The following SPATA6 variants were observed in gnomAD, a reference collection of about 807,000 sequenced individuals.
SPATA6 encodes the protein spermatogenesis associated 6.
Under a neutral mutation model 65.3 loss-of-function variants are expected in SPATA6, and 56 were observed. The observed-to-expected ratio is 0.86, with a 90% CI of 0.69 to 1.07. The LOEUF (loss-of-function observed/expected upper bound fraction) is 1.07, where lower values mean the gene tolerates loss of function less well. Among genes scored for constraint, SPATA6 ranks in the 50% least tolerant of loss-of-function variants. SPATA6 has a pLI of 0.00. For synonymous variants in SPATA6, 199 were observed against 213.2 expected, an observed-to-expected ratio of 0.93 and a Z score of 0.58; for missense variants, 590 against 594.8, an observed-to-expected ratio of 0.99 and a Z score of 0.08.
At chr1:48,355,817 G>C (rs542906704) in intron 10 of SPATA6, 48 bp from the exon 11 acceptor site, 5 of 1,450,574 alleles carry the variant, frequency 3.4e-6, no homozygotes, top group South Asian at 2.3e-5. Flanking sequence ...ATCAGGTAAT[G>C]ATTCTAAGCT....
chr1:48,436,323 T>C, intron 3 of SPATA6: 1 of 1,612,848 alleles, frequency 6.2e-7, no homozygotes, highest in Non-Finnish European at 8.5e-7. Context: ...ATCCCAATAT[T>C]ACAACTTACT....
At chr1:48,375,779 A>G (rs563308480) in intron 9 of SPATA6, among the ~76,000 whole-genome samples, 1 of 152,260 alleles carries the variant, frequency 6.6e-6, no homozygotes, top group African/African-American at 2.4e-5. Context: ...ACATACTAGA[A>G]CTTTAAATTA....
intron 8 of SPATA6, among the ~76,000 whole-genome samples, chr1:48,389,938 A>G (rs2147886330): frequency 6.6e-6 from 1 of 152,080 alleles, no homozygotes; most frequent in Non-Finnish European, 1.5e-5. Flanking sequence ...GACAAACAAT[A>G]AGAGAAAAAG....
chr1:48,364,922 A>G (rs1394666443), intron 9 of SPATA6, among the ~76,000 whole-genome samples: 1 of 152,082 alleles, frequency 6.6e-6, no homozygotes, highest in Non-Finnish European at 1.5e-5. Context: ...TAGGGTTTTT[A>G]TGGTTTTAGG....
intron 5 of SPATA6, among the ~76,000 whole-genome samples, chr1:48,404,967 CA>C (rs1557671102): frequency 6.6e-6 from 1 of 152,174 alleles, no homozygotes. Context: ...CATTCTAAAA[CA>C]GTAAAAATCA....
intron 9 of SPATA6, among the ~76,000 whole-genome samples, chr1:48,364,839 C>A (rs539163234): frequency 2.9e-4 from 44 of 152,186 alleles, no homozygotes; most frequent in Admixed American, 1.8e-3. Context: ...TTTGTTGCCA[C>A]CGCTTTTGGT....
At chr1:48,410,066 G>A (rs1652073293) in intron 5 of SPATA6, among the ~76,000 whole-genome samples, 1 of 152,126 alleles carries the variant, frequency 6.6e-6, no homozygotes, top group Non-Finnish European at 1.5e-5. Context: ...CCATTGTCAG[G>A]CTGCAAATTT....
At chr1:48,445,297 C>T (rs1655902908) in intron 3 of SPATA6, among the ~76,000 whole-genome samples, 1 of 152,152 alleles carries the variant, frequency 6.6e-6, no homozygotes, top group Non-Finnish European at 1.5e-5. Flanking sequence ...ATTGTAGGAA[C>T]ATCTATGAGG....
chr1:48,428,775 A>ATGTGTGTGTGTG (rs59651745), intron 3 of SPATA6, among the ~76,000 whole-genome samples: 2,494 of 133,492 alleles, frequency 0.019, 36 homozygotes, highest in Middle Eastern at 0.029. Flanking sequence ...AGGTGTATAT[A>ATGTGTGTGTGTG]TGTGTGTGTG....
chr1:48,393,855 G>T (rs982352045), intron 8 of SPATA6, among the ~76,000 whole-genome samples: 1 of 152,026 alleles, frequency 6.6e-6, no homozygotes. Context: ...TGGTATATTT[G>T]CTTGTAAGGA....
intron 11 of SPATA6, among the ~76,000 whole-genome samples, chr1:48,312,149 G>A (rs1455251605): frequency 3.3e-5 from 5 of 152,212 alleles, no homozygotes; most frequent in African/African-American, 1.2e-4. Flanking sequence ...GCAGGGAATA[G>A]CGAAACAAAA....
intron 1 of SPATA6, among the ~76,000 whole-genome samples, chr1:48,459,797 C>T (rs1055012098): frequency 2.6e-5 from 4 of 151,526 alleles, no homozygotes; most frequent in African/African-American, 9.7e-5. Flanking sequence ...TGAAATTAAA[C>T]TAGAAATCAG....
At chr1:48,420,804 A>C (rs1364099379) in intron 3 of SPATA6, among the ~76,000 whole-genome samples, 1 of 152,208 alleles carries the variant, frequency 6.6e-6, no homozygotes, top group Non-Finnish European at 1.5e-5. Context: ...GAAATAAATA[A>C]GGTAAAATAA....
At chr1:48,365,095 G>C (rs984871775) in intron 9 of SPATA6, among the ~76,000 whole-genome samples, 79 of 152,248 alleles carry the variant, frequency 5.2e-4, no homozygotes, top group Non-Finnish European at 9.4e-4. Flanking sequence ...GTTTGTCAAA[G>C]ATCAGATAGT....
intron 3 of SPATA6, among the ~76,000 whole-genome samples, chr1:48,442,716 G>GAAA: frequency 6.8e-5 from 2 of 29,464 alleles, no homozygotes; most frequent in Non-Finnish European, 1.2e-4. Flanking sequence ...GATGGAAGTA[G>GAAA]TAAAAAAAAA....
chr1:48,299,516 G>GGAAAAAAAAAAA (rs761355984), intron 12 of SPATA6, among the ~76,000 whole-genome samples: 7 of 38,188 alleles, frequency 1.8e-4, no homozygotes, highest in Non-Finnish European at 2.9e-4. Flanking sequence ...CTCCGTCTCG[G>GGAAAAAAAAAAA]AAAAAAAAAA....
At chr1:48,443,393 C>A (rs1461478111) in intron 3 of SPATA6, among the ~76,000 whole-genome samples, 2 of 152,196 alleles carry the variant, frequency 1.3e-5, no homozygotes, top group African/African-American at 4.8e-5. Flanking sequence ...AATATCCCTA[C>A]TTATAGGGTT....
intron 11 of SPATA6, among the ~76,000 whole-genome samples, chr1:48,321,337 G>C (rs894645515): frequency 6.6e-6 from 1 of 152,046 alleles, no homozygotes; most frequent in Non-Finnish European, 1.5e-5. Flanking sequence ...AATGGGAAAA[G>C]ATTTCATGCA....
chr1:48,352,683 GAGTTTTCCAA>G (rs1200532676), intron 11 of SPATA6, among the ~76,000 whole-genome samples: 1 of 151,892 alleles, frequency 6.6e-6, no homozygotes, highest in Non-Finnish European at 1.5e-5. Flanking sequence ...GAATGGCTAA[GAGTTTTCCAA>G]AACAGATGAA....
Sources: allele counts gnomAD v4.1 joint callset (sites outside exome capture counted in the v4.1 genomes callset), GRCh38; gene constraint gnomAD v4.1.1; transcripts MANE v1.5; gene names NCBI Gene and HGNC (gene_info 2026-07-23, HGNC 2026-07-21).